The following FBXO31 variants were observed in gnomAD, a reference collection of about 807,000 sequenced individuals.
The protein encoded by FBXO31 is F-box protein 31, also known as F-box only protein 31.
Under a neutral mutation model 54.4 loss-of-function variants are expected in FBXO31, and 24 were observed. The ratio of observed to expected loss-of-function variants is 0.44; its 90% CI spans 0.32 to 0.62. The LOEUF is 0.62. Ranked by LOEUF, FBXO31 falls within the 20% of genes least tolerant of loss-of-function variation. The probability of loss-of-function intolerance (pLI) is 0.05; values close to 1 mark genes in which losing one functional copy is unlikely to be tolerated. For missense variants in FBXO31, 665 were observed against 787.1 expected (o/e 0.84, Z 1.86); for synonymous variants, 388 against 335.6 (o/e 1.16, Z -1.71).
chr16:87,377,783 T>C (rs1433155144), intron 1 of FBXO31, among the ~76,000 whole-genome samples: 1 of 150,180 alleles, frequency 6.7e-6, no homozygotes, highest in Non-Finnish European at 1.5e-5. Flanking sequence ...GAGCTGTGAC[T>C]GCACCACTAC....
intron 1 of FBXO31, among the ~76,000 whole-genome samples, chr16:87,372,044 CA>C (rs1278775592): frequency 6.6e-6 from 1 of 151,998 alleles, no homozygotes; most frequent in East Asian, 1.9e-4. Flanking sequence ...GACAACATGG[CA>C]AAACCCCATT....
At chr16:87,378,762 C>A (rs946492263) in intron 1 of FBXO31, among the ~76,000 whole-genome samples, 1 of 151,968 alleles carries the variant, frequency 6.6e-6, no homozygotes, top group African/African-American at 2.4e-5. Context: ...GAGATCGAGA[C>A]CAACCTGGCT....
chr16:87,348,831 T>C (rs1905514319), intron 2 of FBXO31, among the ~76,000 whole-genome samples: 1 of 152,190 alleles, frequency 6.6e-6, no homozygotes, highest in African/African-American at 2.4e-5. Flanking sequence ...CTGGCGCCTG[T>C]GTACCTGGAA....
intron 1 of FBXO31, among the ~76,000 whole-genome samples, chr16:87,365,423 GA>G (rs1906324884): frequency 6.6e-6 from 1 of 152,194 alleles, no homozygotes; most frequent in Non-Finnish European, 1.5e-5. Context: ...AAGGAATACA[GA>G]AATCCATCAA....
At chr16:87,351,643 C>A (rs1258925008) in intron 2 of FBXO31, among the ~76,000 whole-genome samples, 1 of 152,076 alleles carries the variant, frequency 6.6e-6, no homozygotes. Context: ...CCGAGGCAGG[C>A]GGATTACCTG....
At position 87,335,423 on chromosome 16, in the gene FBXO31, G is replaced by T; in HGVS notation, c.877C>A (p.Pro293Thr). 1 of 1,613,588 alleles carries T rather than the reference G, an allele frequency of 6.2e-7. No individual in the cohort carries two copies. The stretch of plus-strand genomic sequence containing the variant: ...TTGATGAGGTCGTCGGGGCGGCTGG[G>T]CGGCAGGTAGATGCGGCGGTAGGTC... ...CLTYRRIYLP[P>T]SRPDDLIKPG... is the part of the protein sequence containing the mutation. The change falls in exon 7 of 9, where the codon CCC becomes ACC. Residue 293 changes from proline to threonine, a missense_variant. Pro to Thr is a conservative substitution (Grantham distance 38). Coordinates refer to ENST00000311635, the MANE Select transcript of FBXO31 (RefSeq NM_024735.5). This position sits in a 1 kb window ranked among gnomAD's most constrained non-coding sequence, Gnocchi z 5.7.
chr16:87,341,936 G>C (rs117349789), intron 5 of FBXO31, among the ~76,000 whole-genome samples: 1 of 152,004 alleles, frequency 6.6e-6, no homozygotes, highest in Non-Finnish European at 1.5e-5. Flanking sequence ...CCCTGGCCGC[G>C]CGCGATGGCT....
intron 1 of FBXO31, among the ~76,000 whole-genome samples, chr16:87,375,013 G>A (rs931542925): frequency 6.6e-6 from 1 of 151,994 alleles, no homozygotes; most frequent in Non-Finnish European, 1.5e-5. Flanking sequence ...TGAAACCCTG[G>A]CTCTACAAAA....
chr16:87,354,666 G>A (rs1370364724), intron 2 of FBXO31, among the ~76,000 whole-genome samples: 2 of 151,974 alleles, frequency 1.3e-5, no homozygotes, highest in Admixed American at 1.3e-4. Context: ...GTGACTCTGA[G>A]GTCACAAAAC....
rs1437214018 is a variant in FBXO31 at position 87,366,530 on chromosome 16, TGGCAGAGCTGGGAG to T, written c.341-6178_341-6165del. On this transcript the variant is annotated intron_variant, in intron 1 of 8. Coordinates refer to ENST00000311635, the MANE Select transcript of FBXO31 (RefSeq NM_024735.5). The stretch of plus-strand genomic sequence containing the variant: ...GGAAGGGCCCTGAGCACTCCAGGTG[TGGCAGAGCTGGGAG>T]GGCAGAGCTGGGAGGCAAAGGGAGG... 1.2e-4 allele frequency among the ~76,000 whole-genome samples: 19 copies of T among 152,090 alleles called. No homozygotes were observed. The East Asian group carries it at 3.1e-3, about 25-fold the overall frequency.
At chr16:87,381,530 G>A (rs1297993470) in intron 1 of FBXO31, among the ~76,000 whole-genome samples, 1 of 152,198 alleles carries the variant, frequency 6.6e-6, no homozygotes, top group Non-Finnish European at 1.5e-5. Context: ...CTGGGCTGGG[G>A]CCCAAGTCAG....
intron 2 of FBXO31, among the ~76,000 whole-genome samples, chr16:87,357,485 C>A (rs1373216007): frequency 6.6e-6 from 1 of 152,034 alleles, no homozygotes; most frequent in Non-Finnish European, 1.5e-5. Context: ...CACGCCACCA[C>A]ACCCAGCTAA....
chr16:87,344,371 G>A (rs1234438925), intron 3 of FBXO31, among the ~76,000 whole-genome samples: 4 of 152,356 alleles, frequency 2.6e-5, no homozygotes, highest in South Asian at 2.1e-4. Context: ...TTGCCCGTGC[G>A]ATCTCGCGTG....
chr16:87,376,072 G>C (rs973454197), intron 1 of FBXO31, among the ~76,000 whole-genome samples: 1 of 152,076 alleles, frequency 6.6e-6, no homozygotes, highest in African/African-American at 2.4e-5. Context: ...CCAGTTGCCA[G>C]TGTATTCCCC....
chr16:87,386,119 G>A (rs1376904073), upstream of FBXO31: 1 of 146,294 alleles, frequency 6.8e-6, no homozygotes, highest in Non-Finnish European at 1.5e-5. Flanking sequence ...ATGGTGAGAA[G>A]GAGCATCACT....
At chr16:87,356,173 G>A (rs1597369967) in intron 2 of FBXO31, among the ~76,000 whole-genome samples, 1 of 150,354 alleles carries the variant, frequency 6.7e-6, no homozygotes, top group Non-Finnish European at 1.5e-5. Flanking sequence ...AGGCTGTAGT[G>A]AGCTGAGATC....
chr16:87,343,060 A>C (rs1597362424), intron 4 of FBXO31, 109 bp from the exon 5 acceptor site: 2 of 878,212 alleles, frequency 2.3e-6, no homozygotes, highest in Non-Finnish European at 3.5e-6. Context: ...CACCCACCAA[A>C]CCCCACTGCA....
chr16:87,334,320 C>CCAGCAG, intron 7 of FBXO31, 34 bp from the exon 8 acceptor site: 1 of 1,529,990 alleles, frequency 6.5e-7, no homozygotes, highest in Non-Finnish European at 8.8e-7. Context: ...AGGGCTCAGG[C>CCAGCAG]CAGCAGCAGC....
intron 8 of FBXO31, among the ~76,000 whole-genome samples, chr16:87,332,276 TG>T (rs1482738114): frequency 6.6e-6 from 1 of 152,104 alleles, no homozygotes; most frequent in Non-Finnish European, 1.5e-5. Flanking sequence ...CCTGTACAGG[TG>T]CCGTGGCCAG....
Sources: gnomAD v4.1 joint callset for allele counts (sites outside exome capture counted in the v4.1 genomes callset) on GRCh38, gnomAD v4.1.1 for gene constraint, Gnocchi (gnomAD v3.1) non-coding constraint, MANE v1.5 for transcripts, NCBI Gene and HGNC (gene_info 2026-07-23, HGNC 2026-07-21) for gene names.